The following FBXL7 variants were observed in gnomAD, a reference collection of about 807,000 sequenced individuals.
FBXL7 encodes F-box and leucine rich repeat protein 7.
FBXL7 carries 12 observed loss-of-function variants against 38.3 expected under a neutral mutation model. That is an observed-to-expected ratio of 0.31 (90% CI 0.20 to 0.51). FBXL7 has a LOEUF of 0.51. Ranked by LOEUF, FBXL7 falls within the 20% of genes least tolerant of loss-of-function variation. The pLI is 0.98. For synonymous variants in FBXL7, 297 were observed against 300.9 expected, an observed-to-expected ratio of 0.99 and a Z score of 0.13; for missense variants, 567 against 676.4, an observed-to-expected ratio of 0.84 and a Z score of 1.79.
intron 2 of FBXL7, among the ~76,000 whole-genome samples, chr5:15,663,833 G>A (rs879535791): frequency 6.6e-6 from 1 of 152,102 alleles, no homozygotes; most frequent in African/African-American, 2.4e-5. Context: ...CCCTCTTAGC[G>A]AATTTTAAGT....
chr5:15,873,612 G>C lies in FBXL7; in HGVS notation c.128-54278G>C, dbSNP rs377138019. On this transcript the variant is annotated intron_variant, in intron 2 of 3. Coordinates refer to ENST00000504595, the MANE Select transcript of FBXL7 (RefSeq NM_012304.5). ...ATCACTGATCCCGCAGAAATACAAA[G>C]TACTCTCAGAGAATACCATAAACAC... 1.2e-4 allele frequency among the ~76,000 whole-genome samples: 18 copies of C among 152,070 alleles called. 1 individual carries two copies. The highest frequency in any genetic ancestry group is 3.4e-4 in the African/African-American group (14 of 41,490).
At chr5:15,633,141 T>A (rs1741056299) in intron 2 of FBXL7, among the ~76,000 whole-genome samples, 1 of 152,182 alleles carries the variant, frequency 6.6e-6, no homozygotes, top group South Asian at 2.1e-4. Flanking sequence ...AGGAAAAAGA[T>A]GAGAAGGACA....
At chr5:15,589,160 AC>A (rs1272120449) in intron 1 of FBXL7, among the ~76,000 whole-genome samples, 1 of 152,176 alleles carries the variant, frequency 6.6e-6, no homozygotes, top group Non-Finnish European at 1.5e-5. Context: ...TAGTAAGCAA[AC>A]CATTTGTTGT....
At chr5:15,880,706 A>G (rs897014479) in intron 2 of FBXL7, among the ~76,000 whole-genome samples, 1 of 106,950 alleles carries the variant, frequency 9.4e-6, no homozygotes, top group Non-Finnish European at 1.9e-5. Context: ...TAGTATATAT[A>G]ATATATATAC....
intron 2 of FBXL7, among the ~76,000 whole-genome samples, chr5:15,897,316 T>C (rs1741127493): frequency 6.6e-6 from 1 of 152,258 alleles, no homozygotes; most frequent in South Asian, 2.1e-4. Context: ...TTGTTCGTCT[T>C]ACTCATTTAT....
chr5:15,546,412 C>G (rs2126415414), intron 1 of FBXL7, among the ~76,000 whole-genome samples: 1 of 151,948 alleles, frequency 6.6e-6, no homozygotes, highest in South Asian at 2.1e-4. Context: ...ACTAAAAATA[C>G]AAAAGTCAGC....
chr5:15,627,603 T>G (rs1740861392), intron 2 of FBXL7, among the ~76,000 whole-genome samples: 2 of 152,152 alleles, frequency 1.3e-5, no homozygotes, highest in African/African-American at 4.8e-5. Flanking sequence ...AGCCCATATT[T>G]TTGGTGATGT....
intron 2 of FBXL7, among the ~76,000 whole-genome samples, chr5:15,683,518 A>T (rs1456278984): frequency 6.6e-6 from 1 of 152,170 alleles, no homozygotes; most frequent in Non-Finnish European, 1.5e-5. Flanking sequence ...CTTTAAGGAG[A>T]TATAAACCAT....
At chr5:15,753,084 T>C (rs1055401816) in intron 2 of FBXL7, among the ~76,000 whole-genome samples, 1 of 152,082 alleles carries the variant, frequency 6.6e-6, no homozygotes, top group Admixed American at 6.5e-5. Flanking sequence ...ACTCTGAGGA[T>C]TATAACTCCT....
intron 1 of FBXL7, among the ~76,000 whole-genome samples, chr5:15,577,497 A>G (rs374437203): frequency 6.6e-6 from 1 of 152,122 alleles, no homozygotes; most frequent in African/African-American, 2.4e-5. Context: ...TGGAAGGGAT[A>G]TGTTCTGGGG....
At chr5:15,754,295 G>A (rs919999817) in intron 2 of FBXL7, among the ~76,000 whole-genome samples, 1 of 152,178 alleles carries the variant, frequency 6.6e-6, no homozygotes, top group Non-Finnish European at 1.5e-5. Flanking sequence ...CAAGTGCTAC[G>A]AGTAGAACTG....
At chr5:15,721,505 T>C (rs1300744525) in intron 2 of FBXL7, among the ~76,000 whole-genome samples, 2 of 152,100 alleles carry the variant, frequency 1.3e-5, no homozygotes, top group Non-Finnish European at 2.9e-5. Context: ...TCAAATGAAG[T>C]TATTCATATT....
chr5:15,621,437 G>A (rs1351561845), intron 2 of FBXL7, among the ~76,000 whole-genome samples: 1 of 152,028 alleles, frequency 6.6e-6, no homozygotes, highest in Non-Finnish European at 1.5e-5. Context: ...CATTCATGGG[G>A]TATTCTCTCC....
At chr5:15,935,531 G>A (rs567035716) in intron 3 of FBXL7, among the ~76,000 whole-genome samples, 75 of 145,552 alleles carry the variant, frequency 5.2e-4, no homozygotes, top group African/African-American at 1.8e-3. Context: ...GCGTCATCCC[G>A]AGGCTTTGCA....
chr5:15,596,302 G>A, intron 1 of FBXL7, among the ~76,000 whole-genome samples: 1 of 152,330 alleles, frequency 6.6e-6, no homozygotes, highest in East Asian at 1.9e-4. Flanking sequence ...TGTGTGGTAT[G>A]TATAGAGTCT....
chr5:15,521,742 G>A (rs1195060307), intron 1 of FBXL7, among the ~76,000 whole-genome samples: 1 of 152,158 alleles, frequency 6.6e-6, no homozygotes, highest in Non-Finnish European at 1.5e-5. Flanking sequence ...GGAAAAAGAA[G>A]GATAAAGAAA....
intron 2 of FBXL7, among the ~76,000 whole-genome samples, chr5:15,632,382 A>G (rs1277300743): frequency 6.6e-6 from 1 of 152,186 alleles, no homozygotes; most frequent in Non-Finnish European, 1.5e-5. Flanking sequence ...TGAAAGTTAT[A>G]TTTAGCCACT....
At chr5:15,755,887 G>A (rs1736284050) in intron 2 of FBXL7, among the ~76,000 whole-genome samples, 1 of 152,208 alleles carries the variant, frequency 6.6e-6, no homozygotes. Context: ...AGATACTTGT[G>A]TGTATTGCAT....
chr5:15,787,144 C>T (rs950286853), intron 2 of FBXL7, among the ~76,000 whole-genome samples: 9 of 152,164 alleles, frequency 5.9e-5, no homozygotes, highest in Non-Finnish European at 7.3e-5. Flanking sequence ...TCCAGACTTC[C>T]GGCCCCCGGA....
Sources: gnomAD v4.1 joint callset for allele counts (sites outside exome capture counted in the v4.1 genomes callset) on GRCh38, gnomAD v4.1.1 for gene constraint, MANE v1.5 for transcripts, NCBI Gene and HGNC (gene_info 2026-07-23, HGNC 2026-07-21) for gene names.